Variants in NFATC3 observed in about 807,000 individuals in gnomAD.
NFATC3 encodes nuclear factor of activated T-cells, cytoplasmic 3.
Under a neutral mutation model 98.6 loss-of-function variants are expected in NFATC3, and 46 were observed. That is an observed-to-expected ratio of 0.47 (90% CI 0.37 to 0.60). NFATC3 has a LOEUF of 0.60. Ranked by LOEUF, NFATC3 falls within the 20% of genes least tolerant of loss-of-function variation. The pLI, the probability that NFATC3 is intolerant of heterozygous loss-of-function variation, is 0.00. For missense variants in NFATC3, 1,256 were observed against 1,295.5 expected, an observed-to-expected ratio of 0.97 and a Z score of 0.47; for synonymous variants, 512 against 472.2, an observed-to-expected ratio of 1.08 and a Z score of -1.09.
chr16:68,177,811 G>GT (rs948651074), intron 6 of NFATC3, among the ~76,000 whole-genome samples: 2 of 151,724 alleles, frequency 1.3e-5, no homozygotes, highest in African/African-American at 4.8e-5. Flanking sequence ...TTAAGCTTTT[G>GT]TTTCATTTCT....
chr16:68,119,607 GC>G (rs2036466292), intron 1 of NFATC3, among the ~76,000 whole-genome samples: 1 of 152,028 alleles, frequency 6.6e-6, no homozygotes, highest in Non-Finnish European at 1.5e-5. Flanking sequence ...CCTGCATTAT[GC>G]CCCTAAATTT....
chr16:68,122,775 G>C lies in NFATC3; in HGVS notation c.892G>C (p.Gly298Arg). The C allele has an allele frequency of 3.1e-6, 5 of 1,614,192 alleles. No homozygotes were observed. The highest frequency in any genetic ancestry group is 4.2e-6 in the Non-Finnish European group (5 of 1,180,040). ...CCATCACTCACCTGTTCCTTCACCT[G>C]GTCACTCCCCCAGGGGAAGTGTGAC... Reference protein sequence around the residue: ...SPHHSPVPSPGHSPRGSVTED... With the variant: ...SPHHSPVPSPRHSPRGSVTED... The change falls in exon 2 of 10, where the codon GGT becomes CGT. Residue 298 changes from glycine (G) to arginine (R), a missense_variant. By Grantham distance (125) the Gly-to-Arg change is moderately radical (BLOSUM62 -2). This residue lies in a region of NFATC3 where 464 missense variants were observed against 465.7 expected (regional missense o/e 1.00). Coordinates refer to ENST00000346183, the MANE Select transcript of NFATC3 (RefSeq NM_173165.3).
intron 3 of NFATC3, among the ~76,000 whole-genome samples, chr16:68,155,306 T>C (rs559319518): frequency 5.3e-5 from 8 of 152,176 alleles, no homozygotes. Flanking sequence ...TAGTTTTACC[T>C]ACTGAAGGCA....
At chr16:68,165,355 C>T (rs1280226798) in intron 4 of NFATC3, among the ~76,000 whole-genome samples, 1 of 140,874 alleles carries the variant, frequency 7.1e-6, no homozygotes, top group African/African-American at 2.6e-5. Context: ...GGGATTCTGC[C>T]TTCTGTTTTA....
chr16:68,180,354 G>A (rs551054137), intron 6 of NFATC3, among the ~76,000 whole-genome samples: 11 of 152,176 alleles, frequency 7.2e-5, no homozygotes, highest in Non-Finnish European at 1.6e-4. Flanking sequence ...CATTTATCAC[G>A]AGGAGCTTTC....
chr16:68,199,215 AT>A (rs1161857692), intron 9 of NFATC3, among the ~76,000 whole-genome samples: 12 of 146,538 alleles, frequency 8.2e-5, no homozygotes, highest in Non-Finnish European at 1.1e-4. Context: ...GACCCTGTTT[AT>A]TTTTTTTTTA....
At chr16:68,218,574 G>C (rs1598624713) in intron 9 of NFATC3, among the ~76,000 whole-genome samples, 1 of 143,478 alleles carries the variant, frequency 7.0e-6, no homozygotes, top group East Asian at 2.0e-4. Context: ...TTTAGATGGT[G>C]CTTTTTTTTT....
intron 2 of NFATC3, among the ~76,000 whole-genome samples, chr16:68,124,073 T>C (rs2036696783): frequency 6.6e-6 from 1 of 152,146 alleles, no homozygotes; most frequent in South Asian, 2.1e-4. Flanking sequence ...AACTTTTATG[T>C]ATTAAATTCC....
chr16:68,124,315 T>C (rs1567509934), intron 2 of NFATC3, among the ~76,000 whole-genome samples: 1 of 152,004 alleles, frequency 6.6e-6, no homozygotes, highest in Non-Finnish European at 1.5e-5. Context: ...GGGTCTTGCT[T>C]TGTTGCTTAG....
At chr16:68,206,860 G>A (rs534037660) in intron 9 of NFATC3, among the ~76,000 whole-genome samples, 10 of 152,094 alleles carry the variant, frequency 6.6e-5, no homozygotes, top group East Asian at 1.9e-4. Context: ...GTGTGCGCCT[G>A]TAGTTCTAGC....
rs191589594 is a variant in NFATC3 at position 68,195,345 on chromosome 16, A to G, written c.3106+3570A>G. ...TCATTGCCACCCCTCAGGGGACTTA[A>G]TAGAAGCTCAGTGCTGCCAAGCAGT... On this transcript the variant is annotated intron_variant, in intron 9 of 9. Transcript: ENST00000346183. Among the ~76,000 whole-genome samples the G allele has an allele frequency of 2.6e-5, 4 of 152,300 alleles. No individual in the cohort carries two copies. The East Asian group carries it at 7.7e-4, about 29-fold the overall frequency.
Position 68,157,898 on chromosome 16 carries a change from T to C in NFATC3, c.1431T>C (p.Asn477=). ...TGGGCTATAACGAAAAGCCAATAAATCTACAAATGTTTATTGGGACAGCAG... is the reference window on the plus strand; with the variant it reads ...TGGGCTATAACGAAAAGCCAATAAACCTACAAATGTTTATTGGGACAGCAG... ...KLLGYNEKPI[N]LQMFIGTADD... The change falls in exon 4 of 10, where the codon AAT becomes AAC. Residue 477 remains asparagine (N), a synonymous_variant. Transcript: ENST00000346183. 1 of 1,613,576 alleles carries C rather than the reference T, an allele frequency of 6.2e-7. No homozygotes were observed.
intron 6 of NFATC3, among the ~76,000 whole-genome samples, chr16:68,176,674 T>C (rs2039724048): frequency 6.6e-6 from 1 of 152,236 alleles, no homozygotes; most frequent in Non-Finnish European, 1.5e-5. Flanking sequence ...GTTGAGGTTG[T>C]TATGGACCAT....
intron 9 of NFATC3, among the ~76,000 whole-genome samples, chr16:68,214,825 T>C (rs1257984267): frequency 6.6e-6 from 1 of 152,146 alleles, no homozygotes; most frequent in Non-Finnish European, 1.5e-5. Flanking sequence ...TCAGGAAATT[T>C]TGTCCGTTTT....
rs143379101 is a variant in NFATC3, at chr16:68,184,585, C to T, written c.2098+1219C>T. 7.5e-3 allele frequency among the ~76,000 whole-genome samples: 1,144 copies of T among 152,014 alleles called. 16 individuals carry two copies. Among genetic ancestry groups the T allele is most frequent in the African/African-American group, 0.027 (1,110 of 41,436 alleles). ...TTGGGAGGTTGAGGTGGGTGGATCA[C>T]GAGGTCAGGAGATCGAGACCATCCT... On this transcript the variant is annotated intron_variant, in intron 8 of 9. Transcript: ENST00000346183.
At chr16:68,133,634 C>T (rs2151523550) in intron 3 of NFATC3, among the ~76,000 whole-genome samples, 1 of 152,266 alleles carries the variant, frequency 6.6e-6, no homozygotes, top group Middle Eastern at 3.4e-3. Flanking sequence ...TCTCAATTCT[C>T]ATCATCATAT....
chr16:68,126,345 A>G, intron 2 of NFATC3, 103 bp from the exon 3 acceptor site: 1 of 1,101,518 alleles, frequency 9.1e-7, no homozygotes, highest in Non-Finnish European at 1.3e-6. Flanking sequence ...ACATTGTTTC[A>G]AAGATCAAAG....
At chr16:68,106,947 T>C (rs1442534393) in intron 1 of NFATC3, among the ~76,000 whole-genome samples, 1 of 151,984 alleles carries the variant, frequency 6.6e-6, no homozygotes, top group African/African-American at 2.4e-5. Flanking sequence ...CCAGTGTGTG[T>C]TGTTCCCCTC....
intron 9 of NFATC3, among the ~76,000 whole-genome samples, chr16:68,215,977 C>T (rs968758193): frequency 3.3e-5 from 5 of 152,298 alleles, no homozygotes; most frequent in East Asian, 3.9e-4. Flanking sequence ...ATCCGCCCAC[C>T]TTGGCCTCCC....
Sources: allele counts gnomAD v4.1 joint callset (sites outside exome capture counted in the v4.1 genomes callset), GRCh38; gene constraint gnomAD v4.1.1; regional missense constraint gnomAD v4.1.1; transcripts MANE v1.5; gene names NCBI Gene and HGNC (gene_info 2026-07-23, HGNC 2026-07-21).